GABPB1: variants seen among roughly 807,000 people sequenced by gnomAD.
GABPB1 encodes the protein GA-binding protein subunit beta-1.
A neutral mutation model predicts 45.9 loss-of-function variants in GABPB1; 15 were observed. That is an observed-to-expected ratio of 0.33 (90% CI 0.22 to 0.50). The LOEUF (loss-of-function observed/expected upper bound fraction) is 0.50, where lower values mean the gene tolerates loss of function less well. GABPB1 is among the 20% of genes least tolerant of loss of function. GABPB1 has a pLI of 0.98. For missense variants in GABPB1, 252 were observed against 457.5 expected (o/e 0.55, Z 4.10); for synonymous variants, 143 against 154.4 (o/e 0.93, Z 0.55).
In GABPB1 at chr15:50,289,999, C is replaced by T. The variant is rs143923709; in HGVS notation, c.698-331G>A. ...GGCCAGGCTGGTCTCAAACTCCTGG[C>T]CTCAAGCAAGCCTCCTGCCTTGACC... On this transcript the variant is annotated intron_variant, in intron 6 of 8. Transcript: ENST00000380877. 1.3e-3 allele frequency among the ~76,000 whole-genome samples: 194 copies of T among 152,094 alleles called. 1 individual carries two copies. Among genetic ancestry groups the T allele is most frequent in the Admixed American group, 0.011 (163 of 15,258 alleles).
intron 7 of GABPB1, among the ~76,000 whole-genome samples, chr15:50,287,979 C>T (rs766728838): frequency 5.3e-5 from 8 of 152,140 alleles, no homozygotes; most frequent in Non-Finnish European, 8.8e-5. Flanking sequence ...CTGGTTTAGG[C>T]GAAGTTCTAC....
At chr15:50,307,701 CAAA>C (rs35298471) in intron 2 of GABPB1, among the ~76,000 whole-genome samples, 3 of 131,690 alleles carry the variant, frequency 2.3e-5, no homozygotes, top group East Asian at 2.3e-4. Context: ...GACTCCATCT[CAAA>C]AAAAAAAAAA....
chr15:50,302,779 G>A (rs2046804365), intron 4 of GABPB1, 150 bp downstream of exon 4: 1 of 566,282 alleles, frequency 1.8e-6, no homozygotes, highest in Admixed American at 3.5e-5. Context: ...TAAACAAAGA[G>A]GAAGTGAAAG....
At chr15:50,351,682 AG>A (rs2048835590) in intron 1 of GABPB1, 1 of 94,604 alleles carries the variant, frequency 1.1e-5, no homozygotes, top group Non-Finnish European at 2.1e-5. Flanking sequence ...GGAGGGAGGG[AG>A]GGAGGGAGAC....
chr15:50,325,570 C>T (rs1354990451), intron 1 of GABPB1, among the ~76,000 whole-genome samples: 2 of 151,368 alleles, frequency 1.3e-5, no homozygotes, highest in East Asian at 3.9e-4. Context: ...CTCGCTCTGT[C>T]GCCCAAGCTG....
rs143757494 is a variant in GABPB1, at chr15:50,304,162, C to T, written c.109-29G>A. The T allele has an allele frequency of 6.3e-3, 9,652 of 1,524,354 alleles. 39 individuals are homozygous for T. Among genetic ancestry groups the T allele is most frequent in the Non-Finnish European group, 7.4e-3 (8,358 of 1,130,328 alleles). 94.4% of individuals were successfully genotyped at this position (1,524,354 alleles called of 1,614,324 possible). On this transcript the variant is annotated intron_variant, in intron 2 of 8. Transcript: ENST00000380877. The stretch of plus-strand genomic sequence containing the variant: ...TACCACAGAAAAAAAAAAAAATCCA[C>T]ATTTACATTATTGTTACTACACTTC...
intron 6 of GABPB1, among the ~76,000 whole-genome samples, chr15:50,298,829 G>C (rs1370196410): frequency 1.3e-5 from 2 of 152,018 alleles, no homozygotes; most frequent in Admixed American, 6.6e-5. Flanking sequence ...GTGCATGCCT[G>C]TAATCCCAGC....
intron 1 of GABPB1, among the ~76,000 whole-genome samples, chr15:50,313,202 C>T (rs1445428697): frequency 6.6e-6 from 1 of 151,992 alleles, no homozygotes; most frequent in Non-Finnish European, 1.5e-5. Flanking sequence ...CCCAACACAT[C>T]AATAGTTAAA....
intron 8 of GABPB1, among the ~76,000 whole-genome samples, chr15:50,283,205 T>G (rs951953491): frequency 6.6e-5 from 10 of 152,198 alleles, no homozygotes; most frequent in African/African-American, 2.4e-4. Flanking sequence ...GTACAAAGAT[T>G]AATTTCAATT....
intron 8 of GABPB1, chr15:50,282,445 T>C: frequency 3.0e-6 from 1 of 335,856 alleles, no homozygotes; most frequent in Non-Finnish European, 5.7e-6. Flanking sequence ...TCCCAGCTGC[T>C]TGGGAGGCTG....
At position 50,323,130 on chromosome 15, in the gene GABPB1, G is replaced by T. The variant is rs144410881; in HGVS notation, c.1-13332C>A. On this transcript the variant is annotated intron_variant, in intron 1 of 8. Transcript: ENST00000380877. ...GTGCACCTGCAGTACCAGCTACTTG[G>T]GAGGCTAAGGCAGGGAGGTCACTTG... Among the ~76,000 whole-genome samples the T allele has an allele frequency of 7.6e-3, 1,163 of 152,218 alleles. 17 individuals are homozygous for T. Among genetic ancestry groups the T allele is most frequent in the African/African-American group, 0.027 (1,113 of 41,534 alleles).
At chr15:50,304,462 G>A (rs1056695453) in intron 2 of GABPB1, among the ~76,000 whole-genome samples, 1 of 152,202 alleles carries the variant, frequency 6.6e-6, no homozygotes, top group South Asian at 2.1e-4. Flanking sequence ...TGTAATCCCA[G>A]CACTTTGGGA....
chr15:50,344,615 C>T (rs529201204), intron 1 of GABPB1, among the ~76,000 whole-genome samples: 2 of 152,202 alleles, frequency 1.3e-5, no homozygotes, highest in East Asian at 1.9e-4. Flanking sequence ...CCGAGGAGGG[C>T]GGCACCTGAG....
chr15:50,304,553 A>T (rs1329648088), intron 2 of GABPB1, among the ~76,000 whole-genome samples: 1 of 152,112 alleles, frequency 6.6e-6, no homozygotes, highest in African/African-American at 2.4e-5. Flanking sequence ...TCTACTAAAA[A>T]TACAGAAATT....
intron 8 of GABPB1, among the ~76,000 whole-genome samples, chr15:50,280,919 TAG>T (rs1390976933): frequency 6.6e-6 from 1 of 152,182 alleles, no homozygotes; most frequent in Non-Finnish European, 1.5e-5. Flanking sequence ...TATTAACATT[TAG>T]AGTCAGGAAA....
intron 1 of GABPB1, chr15:50,351,121 C>G (rs1031157116): frequency 6.6e-6 from 1 of 152,222 alleles, no homozygotes; most frequent in Non-Finnish European, 1.5e-5. Flanking sequence ...TTTTTATTAG[C>G]TCTCCAGATG....
chr15:50,281,408 T>C (rs1006870291), intron 8 of GABPB1, among the ~76,000 whole-genome samples: 2 of 152,162 alleles, frequency 1.3e-5, no homozygotes, highest in Non-Finnish European at 2.9e-5. Flanking sequence ...AGACGGGGTT[T>C]CACCATGTTA....
chr15:50,317,508 T>A (rs1289121979), intron 1 of GABPB1, among the ~76,000 whole-genome samples: 2 of 151,990 alleles, frequency 1.3e-5, no homozygotes, highest in African/African-American at 4.8e-5. Flanking sequence ...AAGTTTTAAT[T>A]TTTTTATAGC....
At chr15:50,287,370 C>T (rs1264301365) in intron 7 of GABPB1, among the ~76,000 whole-genome samples, 1 of 152,196 alleles carries the variant, frequency 6.6e-6, no homozygotes. Context: ...ATGGCACTCC[C>T]ACTCCCCAAA....
Sources: gnomAD v4.1 joint callset for allele counts (sites outside exome capture counted in the v4.1 genomes callset) on GRCh38, gnomAD v4.1.1 for gene constraint, MANE v1.5 for transcripts, NCBI Gene and HGNC (gene_info 2026-07-23, HGNC 2026-07-21) for gene names.